The following YPEL2 variants were observed in gnomAD, a reference collection of about 807,000 sequenced individuals.
The protein encoded by YPEL2 is yippee like 2.
In YPEL2, 2 loss-of-function variants were observed where a neutral mutation model predicts 19.1. The ratio of observed to expected loss-of-function variants is 0.10; its 90% CI spans 0.04 to 0.33. YPEL2 has a LOEUF of 0.33. YPEL2 is among the 10% of genes least tolerant of loss of function. YPEL2 has a pLI of 1.00. For synonymous variants in YPEL2, 52 were observed against 50.0 expected (o/e 1.04, Z -0.17); for missense variants, 66 against 140.7 (o/e 0.47, Z 2.68).
chr17:59,358,796 A>G (rs550017169), intron 2 of YPEL2, among the ~76,000 whole-genome samples: 2 of 151,244 alleles, frequency 1.3e-5, no homozygotes, highest in East Asian at 3.9e-4. Flanking sequence ...TTTACTGAAG[A>G]TGGGGTTTCT....
At chr17:59,383,535 T>TTGCAGTGAGCTGAGACCGCGCCAC (rs1567756555) in intron 2 of YPEL2, among the ~76,000 whole-genome samples, 2 of 118,224 alleles carry the variant, frequency 1.7e-5, no homozygotes, top group African/African-American at 6.5e-5. Context: ...GAGGTGGAGC[T>TTGCAGTGAGCTGAGACCGCGCCAC]TGCACTCCAG....
At chr17:59,365,387 A>G (rs1267130987) in intron 2 of YPEL2, among the ~76,000 whole-genome samples, 2 of 152,088 alleles carry the variant, frequency 1.3e-5, no homozygotes, top group African/African-American at 4.8e-5. Context: ...CTAGAATGTA[A>G]ATGGAAAAGC....
chr17:59,346,938 G>T (rs2047759322), intron 1 of YPEL2, among the ~76,000 whole-genome samples: 1 of 152,174 alleles, frequency 6.6e-6, no homozygotes, highest in Non-Finnish European at 1.5e-5. Flanking sequence ...CCTACAAGGA[G>T]TGGTACAAGT....
chr17:59,394,156 C>A lies in YPEL2; in HGVS notation c.271-2945C>A, dbSNP rs185886468. On this transcript the variant is annotated intron_variant, in intron 4 of 4. Coordinates refer to ENST00000312655, the MANE Select transcript of YPEL2 (RefSeq NM_001005404.4). ...CCAGGCGGGGGGCTGACCCCCCGAC[C>A]TCCCTCCCGGACGGGGCGGCTGGCC... 9.6e-4 allele frequency among the ~76,000 whole-genome samples: 145 copies of A among 151,420 alleles called. 1 individual carries two copies. The highest frequency in any genetic ancestry group is 3.4e-3 in the African/African-American group (140 of 41,146).
chr17:59,362,380 C>G (rs2047845630), intron 2 of YPEL2, among the ~76,000 whole-genome samples: 1 of 151,858 alleles, frequency 6.6e-6, no homozygotes, highest in African/African-American at 2.4e-5. Flanking sequence ...CACGCCTGCT[C>G]CCTGTGAAAA....
chr17:59,356,195 G>GT (rs1743881206), intron 2 of YPEL2: 1 of 151,720 alleles, frequency 6.6e-6, no homozygotes, highest in Non-Finnish European at 1.5e-5. Flanking sequence ...CCCAGTGGGA[G>GT]TTAGGAGCTG....
rs2048060864 is a variant in YPEL2 at position 59,399,785 on chromosome 17, T to A, written c.*2595T>A. The A allele has an allele frequency of 1.3e-5, 2 of 152,674 alleles. No individual in the cohort carries two copies. Among genetic ancestry groups the A allele is most frequent in the African/African-American group, 4.8e-5 (2 of 41,450 alleles). 9.5% of individuals were successfully genotyped at this position (152,674 alleles called of 1,614,324 possible). A position where few individuals can be genotyped will look rare whatever the true frequency, so the allele number is the denominator to read the frequency against. ...GGAGATGCTAAATTAACTCATGGCC[T>A]CAGTCAGTTCATTCTTTAATTTCCT... On this transcript the variant is annotated 3_prime_UTR_variant, in exon 5 of 5. Transcript: ENST00000312655.
intron 2 of YPEL2, among the ~76,000 whole-genome samples, chr17:59,383,615 T>A (rs1412525398): frequency 1.3e-4 from 3 of 23,276 alleles, no homozygotes; most frequent in East Asian, 1.4e-3. Flanking sequence ...AAAAAATATA[T>A]ATATATATAT....
At chr17:59,359,910 A>T (rs895125354) in intron 2 of YPEL2, among the ~76,000 whole-genome samples, 10 of 151,898 alleles carry the variant, frequency 6.6e-5, no homozygotes, top group Non-Finnish European at 1.5e-4. Flanking sequence ...TTTTTTATTT[A>T]TTTTTTTGAG....
chr17:59,381,561 C>T (rs1257741549), intron 2 of YPEL2, among the ~76,000 whole-genome samples: 1 of 152,164 alleles, frequency 6.6e-6, no homozygotes, highest in Non-Finnish European at 1.5e-5. Context: ...CAGTGGTTCT[C>T]CTACTTTTAA....
intron 1 of YPEL2, among the ~76,000 whole-genome samples, chr17:59,348,721 A>C (rs2047769955): frequency 1.3e-5 from 2 of 152,104 alleles, no homozygotes; most frequent in Admixed American, 1.3e-4. Flanking sequence ...GAGGCTTTTA[A>C]ATATTAAGCT....
chr17:59,331,804 G>A lies in YPEL2; in HGVS notation c.-216G>A, dbSNP rs1292716209. 1 of 151,874 alleles carries A rather than the reference G, an allele frequency of 6.6e-6. No individual in the cohort carries two copies. The highest frequency in any genetic ancestry group is 2.4e-5 in the African/African-American group (1 of 41,416). The allele number at this position is 151,874 out of a possible 1,614,324, so 9.4% of individuals were successfully genotyped here. Reference sequence around the variant, plus strand: ...GCGGAGCCAAGCCCCACGCTGGCCGGACAGGGCCGCCTGTCGCCGGGTAAG... The same window carrying A: ...GCGGAGCCAAGCCCCACGCTGGCCGAACAGGGCCGCCTGTCGCCGGGTAAG... On this transcript the variant is annotated 5_prime_UTR_variant, in exon 1 of 5. Coordinates refer to ENST00000312655, the MANE Select transcript of YPEL2 (RefSeq NM_001005404.4).
In YPEL2 at chr17:59,353,840, C is replaced by G. The variant is rs1010546567; in HGVS notation, c.117+314C>G. 2 of 373,714 alleles carry G rather than the reference C, an allele frequency of 5.4e-6. No homozygotes were observed. The highest frequency in any genetic ancestry group is 1.3e-4 in the East Asian group (2 of 14,950). 23.1% of individuals were successfully genotyped at this position (373,714 alleles called of 1,614,324 possible). ...TCTCAGCTTGCTTGGTTTAGGTTGG[C>G]GGACGAAGAGTGAAGAGTGCTCCCT... is the stretch of plus-strand genomic sequence containing the variant. On this transcript the variant is annotated intron_variant, in intron 2 of 4. Transcript: ENST00000312655. The surrounding 1 kb of genome is among the most constrained non-coding windows in gnomAD (Gnocchi z 4.8).
At chr17:59,392,800 C>T (rs1473350163) in intron 4 of YPEL2, among the ~76,000 whole-genome samples, 1 of 152,176 alleles carries the variant, frequency 6.6e-6, no homozygotes, top group Non-Finnish European at 1.5e-5. Context: ...GTGTGAGCCA[C>T]CGTGCCCGGC....
chr17:59,334,738 C>T (rs963241484), intron 1 of YPEL2, among the ~76,000 whole-genome samples: 6 of 152,206 alleles, frequency 3.9e-5, no homozygotes, highest in Non-Finnish European at 4.4e-5. Flanking sequence ...AATTCAACTT[C>T]CACTGTAGCC....
intron 1 of YPEL2, among the ~76,000 whole-genome samples, chr17:59,349,987 C>T (rs72831262): frequency 0.03 from 4,597 of 152,294 alleles, 109 homozygotes; most frequent in Non-Finnish European, 0.049. Flanking sequence ...CCTGCTTCTC[C>T]TTGCTTTCTA....
In YPEL2 at chr17:59,397,323, C is replaced by T. The variant is rs1185753907; in HGVS notation, c.*133C>T. On this transcript the variant is annotated 3_prime_UTR_variant, in exon 5 of 5. Transcript: ENST00000312655. ...TTGCCATCCGGGGCATCCTCCCACCCTGACGCCATCTTTCTGGTGACCGGC... is the reference window on the plus strand; with the variant it reads ...TTGCCATCCGGGGCATCCTCCCACCTTGACGCCATCTTTCTGGTGACCGGC... 1.9e-6 allele frequency: 1 copy of T among 539,586 alleles called. No homozygotes were observed. Among genetic ancestry groups the T allele is most frequent in the African/African-American group, 2.0e-5 (1 of 50,612 alleles). 33.4% of individuals were successfully genotyped at this position (539,586 alleles called of 1,614,324 possible).
chr17:59,341,856 C>A (rs1300180948), intron 1 of YPEL2, among the ~76,000 whole-genome samples: 1 of 152,142 alleles, frequency 6.6e-6, no homozygotes, highest in Non-Finnish European at 1.5e-5. Flanking sequence ...TGAGTCTCCT[C>A]CCTTTCCCAC....
intron 2 of YPEL2, among the ~76,000 whole-genome samples, chr17:59,364,410 T>G (rs145081000): frequency 6.6e-6 from 1 of 152,318 alleles, no homozygotes; most frequent in East Asian, 1.9e-4. Context: ...TGGCTCTCCC[T>G]TTTCTTCATT....
Sources: gnomAD v4.1 joint callset for allele counts (sites outside exome capture counted in the v4.1 genomes callset) on GRCh38, gnomAD v4.1.1 for gene constraint, Gnocchi (gnomAD v3.1) non-coding constraint, MANE v1.5 for transcripts, NCBI Gene and HGNC (gene_info 2026-07-23, HGNC 2026-07-21) for gene names.